SH3RF3: variants seen among roughly 807,000 people sequenced by gnomAD.
The protein encoded by SH3RF3 is SH3 domain containing ring finger 3.
Under a neutral mutation model 66.3 loss-of-function variants are expected in SH3RF3, and 29 were observed. That is an observed-to-expected ratio of 0.44 (90% CI 0.33 to 0.60). The LOEUF (loss-of-function observed/expected upper bound fraction) is 0.60. Ranked by LOEUF, SH3RF3 falls within the 20% of genes least tolerant of loss-of-function variation. The pLI is 0.04. For missense variants in SH3RF3, 1,194 were observed against 1,190.9 expected, an observed-to-expected ratio of 1.00 and a Z score of -0.04; for synonymous variants, 583 against 532.0, an observed-to-expected ratio of 1.10 and a Z score of -1.32.
At chr2:109,412,373 C>A (rs1019606538) in intron 4 of SH3RF3, among the ~76,000 whole-genome samples, 1 of 152,236 alleles carries the variant, frequency 6.6e-6, no homozygotes, top group Non-Finnish European at 1.5e-5. Flanking sequence ...GTGGCCCCAG[C>A]GTGGCTCTGG....
chr2:109,423,026 TG>T (rs1368283279), intron 5 of SH3RF3, among the ~76,000 whole-genome samples: 2 of 152,192 alleles, frequency 1.3e-5, no homozygotes. Context: ...AGCCTTGGTC[TG>T]GGACTGCATG....
intron 8 of SH3RF3, among the ~76,000 whole-genome samples, chr2:109,485,799 G>A (rs1678953516): frequency 1.3e-5 from 2 of 152,262 alleles, no homozygotes; most frequent in South Asian, 4.1e-4. Flanking sequence ...ACATGTCAGT[G>A]TTCCGTGCCT....
intron 8 of SH3RF3, among the ~76,000 whole-genome samples, chr2:109,472,880 C>T (rs557922588): frequency 9.2e-5 from 14 of 152,338 alleles, no homozygotes; most frequent in African/African-American, 3.4e-4. Flanking sequence ...CCAGGGCAGA[C>T]AGCCCTGCTC....
chr2:109,411,092 T>C (rs1346442441), intron 4 of SH3RF3, among the ~76,000 whole-genome samples: 1 of 152,208 alleles, frequency 6.6e-6, no homozygotes, highest in Non-Finnish European at 1.5e-5. Flanking sequence ...CAGGCCTGCG[T>C]CCAGGGCCAA....
rs1347548409 is a variant in SH3RF3, at chr2:109,347,671, C to T, written c.574-3C>T. ...GTGACCACATGCTGTCTGTTGCTTG[C>T]AGAATCCCTGCCTGCTTCCCTATGG... On this transcript the variant is annotated splice_region_variant and splice_polypyrimidine_tract_variant and intron_variant, in intron 1 of 9. Transcript: ENST00000309415. The T allele has an allele frequency of 1.2e-6, 2 of 1,612,582 alleles. No homozygotes were observed. Among genetic ancestry groups the T allele is most frequent in the Non-Finnish European group, 1.7e-6 (2 of 1,178,972 alleles).
chr2:109,300,288 T>C (rs1205303460), intron 1 of SH3RF3, among the ~76,000 whole-genome samples: 1 of 152,166 alleles, frequency 6.6e-6, no homozygotes, highest in East Asian at 1.9e-4. Context: ...CAAGCAGTTC[T>C]CCTGTCTTAG....
In SH3RF3 at chr2:109,449,362, C is replaced by A; in HGVS notation, c.2021C>A (p.Ala674Asp). 1 of 1,609,120 alleles carries A rather than the reference C, an allele frequency of 6.2e-7. No individual in the cohort carries two copies. The highest frequency in any genetic ancestry group is 8.5e-7 in the Non-Finnish European group (1 of 1,177,400). Residue 674 changes from alanine to aspartate, a missense_variant, in exon 8 of 10, where the codon GCC becomes GAC. Ala to Asp is a moderately radical substitution (Grantham distance 126, BLOSUM62 -2). Coordinates refer to ENST00000309415, the MANE Select transcript of SH3RF3 (RefSeq NM_001099289.3). ...ATCCCCCTCACATCAGCAGCATCAG[C>A]CATCACACCTCCCAACGTCAGTGCC... ...PAIPLTSAAS[A>D]ITPPNVSAAN... is the part of the protein sequence containing the mutation.
At chr2:109,143,358 C>G (rs1043230444) in intron 1 of SH3RF3, among the ~76,000 whole-genome samples, 2 of 152,076 alleles carry the variant, frequency 1.3e-5, no homozygotes, top group Non-Finnish European at 2.9e-5. Flanking sequence ...AACCTCAAAG[C>G]GAGATGTGCA....
intron 3 of SH3RF3, among the ~76,000 whole-genome samples, chr2:109,382,350 G>A (rs945254413): frequency 6.6e-6 from 1 of 152,068 alleles, no homozygotes; most frequent in Non-Finnish European, 1.5e-5. Flanking sequence ...AGAGTCTGCT[G>A]CAGTGGGGCT....
intron 1 of SH3RF3, among the ~76,000 whole-genome samples, chr2:109,337,900 G>T (rs1310574456): frequency 6.6e-6 from 1 of 151,662 alleles, no homozygotes; most frequent in South Asian, 2.1e-4. Context: ...GCTAATTTTT[G>T]TATTTTTTTT....
intron 3 of SH3RF3, among the ~76,000 whole-genome samples, chr2:109,393,896 CAA>C (rs372205938): frequency 1.3e-4 from 19 of 151,134 alleles, no homozygotes; most frequent in Non-Finnish European, 1.2e-4. Flanking sequence ...AAAAAAAAAA[CAA>C]AGTCTCCTCA....
At chr2:109,239,552 A>G (rs1679729796) in intron 1 of SH3RF3, among the ~76,000 whole-genome samples, 1 of 152,234 alleles carries the variant, frequency 6.6e-6, no homozygotes, top group South Asian at 2.1e-4. Flanking sequence ...GATGAGGGAC[A>G]CGGGGTTAGT....
chr2:109,263,637 G>C (rs1029549748), intron 1 of SH3RF3, among the ~76,000 whole-genome samples: 2 of 152,204 alleles, frequency 1.3e-5, no homozygotes, highest in Non-Finnish European at 1.5e-5. Context: ...ATTCTGCCAG[G>C]ACAGTCTGTC....
intron 3 of SH3RF3, among the ~76,000 whole-genome samples, chr2:109,377,406 G>A (rs761980719): frequency 7.2e-5 from 11 of 152,116 alleles, no homozygotes; most frequent in South Asian, 2.1e-4. Context: ...AGGCCATAGC[G>A]TCAGTGGCTG....
intron 7 of SH3RF3, among the ~76,000 whole-genome samples, chr2:109,439,822 C>T (rs1416656979): frequency 2.0e-5 from 3 of 151,934 alleles, no homozygotes; most frequent in Non-Finnish European, 2.9e-5. Flanking sequence ...ATTTCCACCC[C>T]GGTTAGAGAG....
intron 1 of SH3RF3, among the ~76,000 whole-genome samples, chr2:109,217,529 C>G (rs1240182767): frequency 2.0e-5 from 3 of 152,196 alleles, no homozygotes; most frequent in African/African-American, 7.2e-5. Flanking sequence ...CCCCAGACTT[C>G]AAGTATCTTT....
intron 1 of SH3RF3, among the ~76,000 whole-genome samples, chr2:109,315,359 A>G (rs1169322951): frequency 1.3e-4 from 20 of 152,214 alleles, no homozygotes; most frequent in Admixed American, 1.3e-3. Flanking sequence ...TGCTTTGTTC[A>G]TTGAGTCTTG....
chr2:109,293,255 G>A (rs1201969550), intron 1 of SH3RF3, among the ~76,000 whole-genome samples: 1 of 152,212 alleles, frequency 6.6e-6, no homozygotes, highest in Non-Finnish European at 1.5e-5. Context: ...GAGGGATGGT[G>A]GAGGGAAAGC....
intron 1 of SH3RF3, among the ~76,000 whole-genome samples, chr2:109,151,237 G>A (rs189955409): frequency 6.0e-4 from 91 of 152,264 alleles, no homozygotes; most frequent in African/African-American, 2.1e-3. Context: ...CTGTCTTCTT[G>A]TCCGAGGCTT....
Sources: allele counts gnomAD v4.1 joint callset (sites outside exome capture counted in the v4.1 genomes callset), GRCh38; gene constraint gnomAD v4.1.1; transcripts MANE v1.5; gene names NCBI Gene and HGNC (gene_info 2026-07-23, HGNC 2026-07-21).